STPG2: variants seen among roughly 807,000 people sequenced by gnomAD.
STPG2 encodes sperm tail PG-rich repeat containing 2, also known as sperm-tail PG-rich repeat-containing protein 2.
In STPG2, 56 loss-of-function variants were observed where a neutral mutation model predicts 54.2. That is an observed-to-expected ratio of 1.03 (90% confidence interval 0.83 to 1.29). The LOEUF (loss-of-function observed/expected upper bound fraction) is 1.29, where lower values mean the gene tolerates loss of function less well. STPG2 is among the 50% of genes most tolerant of loss of function. The pLI is 0.00. For synonymous variants in STPG2, 200 were observed against 181.8 expected, an observed-to-expected ratio of 1.10 and a Z score of -0.81; for missense variants, 596 against 544.9, an observed-to-expected ratio of 1.09 and a Z score of -0.93.
In STPG2 at chr4:98,123,767, A is replaced by C. The variant is rs114342763; in HGVS notation, c.387+4661T>G. On this transcript the variant is annotated intron_variant, in intron 3 of 10. Transcript: ENST00000295268. ...TGTTAATGTTCTGTCTTGATGATCT[A>C]ATATTGCTAGTGAGATGTCAAAGTC... 9.1e-4 allele frequency among the ~76,000 whole-genome samples: 139 copies of C among 152,076 alleles called. 1 individual carries two copies. The highest frequency in any genetic ancestry group is 3.3e-3 in the African/African-American group (137 of 41,514).
At chr4:98,041,469 G>A (rs1736954869) in intron 5 of STPG2, among the ~76,000 whole-genome samples, 2 of 151,834 alleles carry the variant, frequency 1.3e-5, no homozygotes, top group Admixed American at 1.3e-4. Flanking sequence ...CTGTGGGTTT[G>A]TTGCCTATGG....
intron 8 of STPG2, among the ~76,000 whole-genome samples, chr4:97,897,909 A>T (rs1051189458): frequency 9.2e-5 from 14 of 151,512 alleles, no homozygotes; most frequent in Non-Finnish European, 1.9e-4. Context: ...CTTAAGTATA[A>T]TTAGATCCCT....
At chr4:98,021,143 C>G (rs1484520962) in intron 5 of STPG2, among the ~76,000 whole-genome samples, 13 of 149,926 alleles carry the variant, frequency 8.7e-5, no homozygotes, top group Admixed American at 4.0e-4. Context: ...CCTGCTTTCT[C>G]TTGTGGGCAT....
At chr4:97,808,848 C>T (rs929167079) in intron 9 of STPG2, among the ~76,000 whole-genome samples, 4 of 151,602 alleles carry the variant, frequency 2.6e-5, no homozygotes, top group Admixed American at 2.0e-4. Flanking sequence ...CACATGCATA[C>T]ACAGACTCTC....
At chr4:97,755,140 C>A (rs574573751) in intron 9 of STPG2, among the ~76,000 whole-genome samples, 1 of 152,064 alleles carries the variant, frequency 6.6e-6, no homozygotes, top group Non-Finnish European at 1.5e-5. Context: ...TCGCATTTAT[C>A]GGCTTCATTT....
intron 4 of STPG2, among the ~76,000 whole-genome samples, chr4:97,526,360 C>A (rs1560644160): frequency 6.6e-6 from 1 of 151,988 alleles, no homozygotes; most frequent in Non-Finnish European, 1.5e-5. Flanking sequence ...GTAACATTAA[C>A]ATTTAGCATA....
At chr4:97,518,624 A>C (rs1731122113) in intron 4 of STPG2, among the ~76,000 whole-genome samples, 1 of 152,122 alleles carries the variant, frequency 6.6e-6, no homozygotes, top group Non-Finnish European at 1.5e-5. Context: ...GTATTAATGT[A>C]AATTGGTAAA....
chr4:97,693,429 A>G (rs1024053692), intron 10 of STPG2, among the ~76,000 whole-genome samples: 15 of 152,216 alleles, frequency 9.9e-5, no homozygotes, highest in African/African-American at 3.4e-4. Context: ...ACACAGTTAA[A>G]AAAGACATAC....
chr4:98,031,349 T>C (rs1431280896), intron 5 of STPG2, among the ~76,000 whole-genome samples: 1 of 152,092 alleles, frequency 6.6e-6, no homozygotes, highest in African/African-American at 2.4e-5. Flanking sequence ...GGCAAGGATT[T>C]TATAACCAAG....
At chr4:97,646,952 G>A (rs1435968226) in intron 10 of STPG2, among the ~76,000 whole-genome samples, 2 of 152,094 alleles carry the variant, frequency 1.3e-5, no homozygotes. Flanking sequence ...GTCTCGATAA[G>A]CAGAGAATTT....
chr4:98,089,894 GTATT>G (rs1738635617), intron 5 of STPG2, among the ~76,000 whole-genome samples: 1 of 151,780 alleles, frequency 6.6e-6, no homozygotes, highest in Non-Finnish European at 1.5e-5. Context: ...TTTGATGGGA[GTATT>G]TATTTTTTTC....
chr4:97,498,857 C>T (rs569160309), intron 4 of STPG2, among the ~76,000 whole-genome samples: 1 of 151,958 alleles, frequency 6.6e-6, no homozygotes, highest in South Asian at 2.1e-4. Flanking sequence ...ACAAAACTCA[C>T]AAGCACAACC....
intron 10 of STPG2, among the ~76,000 whole-genome samples, chr4:97,634,131 A>G (rs1721410307): frequency 1.3e-5 from 2 of 152,284 alleles, no homozygotes; most frequent in African/African-American, 4.8e-5. Context: ...CTCCCAGTAC[A>G]CAGCTGGAGA....
chr4:97,982,377 TACACAC>T (rs59489663), intron 5 of STPG2, among the ~76,000 whole-genome samples: 24 of 143,624 alleles, frequency 1.7e-4, no homozygotes, highest in Middle Eastern at 3.6e-3. Context: ...TCTCTTACTC[TACACAC>T]ACACACACAC....
chr4:98,135,065 T>TA (rs974342594), intron 1 of STPG2, among the ~76,000 whole-genome samples: 1 of 151,784 alleles, frequency 6.6e-6, no homozygotes, highest in African/African-American at 2.4e-5. Context: ...AAACTGGTAC[T>TA]AAAAAATTCA....
chr4:97,637,941 G>T (rs1334987809), intron 10 of STPG2, among the ~76,000 whole-genome samples: 1 of 151,844 alleles, frequency 6.6e-6, no homozygotes, highest in Non-Finnish European at 1.5e-5. Context: ...CAGATTCAAT[G>T]CCATCCCCAT....
chr4:98,110,923 T>C (rs1480619498), intron 3 of STPG2, among the ~76,000 whole-genome samples: 1 of 148,754 alleles, frequency 6.7e-6, no homozygotes, highest in Non-Finnish European at 1.5e-5. Flanking sequence ...ATAATTTCAG[T>C]ACAAAATGGT....
chr4:97,848,158 C>T (rs1325524758), intron 8 of STPG2, among the ~76,000 whole-genome samples: 1 of 152,158 alleles, frequency 6.6e-6, no homozygotes, highest in Admixed American at 6.5e-5. Flanking sequence ...GGCAAATTTA[C>T]AACTGTAAAA....
At chr4:97,721,947 C>A (rs575761899) in intron 9 of STPG2, among the ~76,000 whole-genome samples, 1 of 151,892 alleles carries the variant, frequency 6.6e-6, no homozygotes, top group African/African-American at 2.4e-5. Flanking sequence ...AGGTCACAAC[C>A]TTTGACATGA....
Sources: gnomAD v4.1 joint callset for allele counts (sites outside exome capture counted in the v4.1 genomes callset) on GRCh38, gnomAD v4.1.1 for gene constraint, MANE v1.5 for transcripts, NCBI Gene and HGNC (gene_info 2026-07-23, HGNC 2026-07-21) for gene names.